The following DPP10 variants were observed in gnomAD, a reference collection of about 807,000 sequenced individuals.
DPP10 encodes dipeptidyl peptidase like 10.
A neutral mutation model predicts 120.9 loss-of-function variants in DPP10; 33 were observed. The observed-to-expected ratio is 0.27, with a 90% CI of 0.21 to 0.37. The LOEUF is 0.37. DPP10 is among the 10% of genes least tolerant of loss of function. The pLI is 1.00. For missense variants in DPP10, 816 were observed against 942.8 expected (o/e 0.87, Z 1.76); for synonymous variants, 337 against 326.1 (o/e 1.03, Z -0.36).
intron 1 of DPP10, among the ~76,000 whole-genome samples, chr2:114,557,077 CAA>C (rs950307401): frequency 1.5e-4 from 22 of 148,496 alleles, no homozygotes; most frequent in African/African-American, 5.3e-4. Flanking sequence ...TAGTTGGAGT[CAA>C]GAGTTAAAAT....
chr2:115,563,512 T>G (rs2080817448), intron 5 of DPP10, among the ~76,000 whole-genome samples: 1 of 152,180 alleles, frequency 6.6e-6, no homozygotes, highest in African/African-American at 2.4e-5. Flanking sequence ...TGAACAGTGA[T>G]GTGGAAAATA....
At chr2:115,713,402 C>T (rs1026382585) in intron 7 of DPP10, among the ~76,000 whole-genome samples, 1 of 152,044 alleles carries the variant, frequency 6.6e-6, no homozygotes, top group African/African-American at 2.4e-5. Context: ...GATTATTGAA[C>T]ATTATTATGG....
chr2:115,548,355 G>A (rs1300971270), intron 5 of DPP10, among the ~76,000 whole-genome samples: 1 of 152,052 alleles, frequency 6.6e-6, no homozygotes, highest in Non-Finnish European at 1.5e-5. Flanking sequence ...CAAGTAACTC[G>A]AGTCCAGCAG....
At position 115,005,561 on chromosome 2, in the gene DPP10, G is replaced by A. The variant is rs1348323138; in HGVS notation, c.61-303678G>A. On this transcript the variant is annotated intron_variant, in intron 1 of 25. Coordinates refer to ENST00000410059, the MANE Select transcript of DPP10 (RefSeq NM_020868.6). ...CTGAAAACCAAGGCTCGAGAACTAC[G>A]TGAAGAATGCAGAAGCCTCAGGAGC... Among the ~76,000 whole-genome samples the A allele has an allele frequency of 2.4e-4, 36 of 152,058 alleles. 1 individual carries two copies. The South Asian group carries it at 3.1e-3, about 13-fold the overall frequency.
At chr2:114,848,976 T>A (rs1047409008) in intron 1 of DPP10, among the ~76,000 whole-genome samples, 6 of 152,174 alleles carry the variant, frequency 3.9e-5, no homozygotes, top group Non-Finnish European at 8.8e-5. Context: ...TGTCCTCACA[T>A]GATGGGAAGT....
At chr2:115,661,517 A>C (rs931081891) in intron 5 of DPP10, among the ~76,000 whole-genome samples, 2 of 152,200 alleles carry the variant, frequency 1.3e-5, no homozygotes, top group Admixed American at 6.5e-5. Flanking sequence ...TTGTGAGTGA[A>C]GTTCCTAGCA....
At chr2:114,905,915 T>C (rs879236241) in intron 1 of DPP10, among the ~76,000 whole-genome samples, 1 of 152,202 alleles carries the variant, frequency 6.6e-6, no homozygotes, top group African/African-American at 2.4e-5. Flanking sequence ...TTGAGCTTTT[T>C]TATTAGTTAT....
chr2:114,835,131 A>T (rs867523790), intron 1 of DPP10: 1 of 141,542 alleles, frequency 7.1e-6, no homozygotes, highest in South Asian at 2.2e-4. Flanking sequence ...TATATATAAG[A>T]CATATCTACA....
intron 15 of DPP10, among the ~76,000 whole-genome samples, chr2:115,780,395 C>G (rs1018324585): frequency 1.3e-5 from 2 of 151,762 alleles, no homozygotes; most frequent in Non-Finnish European, 2.9e-5. Flanking sequence ...GCACTGATAC[C>G]AAATTCTAAT....
intron 3 of DPP10, among the ~76,000 whole-genome samples, chr2:115,353,198 A>G (rs2064150574): frequency 6.6e-6 from 1 of 152,106 alleles, no homozygotes; most frequent in African/African-American, 2.4e-5. Context: ...TGGAAAAGAT[A>G]AAATTCAGTC....
At chr2:114,616,384 G>A (rs986945443) in intron 1 of DPP10, among the ~76,000 whole-genome samples, 1 of 152,084 alleles carries the variant, frequency 6.6e-6, no homozygotes, top group Admixed American at 6.6e-5. Context: ...GTTTCTGCCA[G>A]CCTGATGGGA....
intron 1 of DPP10, among the ~76,000 whole-genome samples, chr2:114,510,165 G>A (rs1242151015): frequency 6.6e-6 from 1 of 152,230 alleles, no homozygotes; most frequent in Admixed American, 6.5e-5. Context: ...TTTGTAGAAT[G>A]AGTGCAGCAT....
chr2:115,336,611 AT>A (rs2063154257), intron 2 of DPP10, among the ~76,000 whole-genome samples: 1 of 150,468 alleles, frequency 6.6e-6, no homozygotes, highest in Non-Finnish European at 1.5e-5. Context: ...ATATATATAT[AT>A]ATAATTGTGC....
At chr2:115,048,574 GC>G (rs1212515619) in intron 1 of DPP10, among the ~76,000 whole-genome samples, 2 of 152,070 alleles carry the variant, frequency 1.3e-5, no homozygotes, top group African/African-American at 2.4e-5. Context: ...AAGCAGGGTA[GC>G]ATAAAAGAAC....
chr2:114,636,376 G>C (rs1430088526), intron 1 of DPP10, among the ~76,000 whole-genome samples: 2 of 151,936 alleles, frequency 1.3e-5, no homozygotes, highest in Non-Finnish European at 2.9e-5. Context: ...CTGCCTGCAG[G>C]CGAGTGGCCT....
intron 5 of DPP10, among the ~76,000 whole-genome samples, chr2:115,568,384 G>A (rs2081138538): frequency 6.6e-6 from 1 of 151,914 alleles, no homozygotes; most frequent in South Asian, 2.1e-4. Context: ...TCAGGAGGCT[G>A]AGGCAGGAGA....
At chr2:114,523,018 A>G (rs1685202591) in intron 1 of DPP10, among the ~76,000 whole-genome samples, 1 of 152,188 alleles carries the variant, frequency 6.6e-6, no homozygotes, top group Admixed American at 6.5e-5. Context: ...GCCAAACCAT[A>G]TTGGGGGTGT....
intron 1 of DPP10, among the ~76,000 whole-genome samples, chr2:114,733,045 T>C (rs1019482463): frequency 6.6e-6 from 1 of 152,080 alleles, no homozygotes; most frequent in African/African-American, 2.4e-5. Context: ...ATCCAGAAAG[T>C]AAAGAAGAGG....
intron 1 of DPP10, among the ~76,000 whole-genome samples, chr2:115,222,456 G>A (rs751980459): frequency 3.3e-5 from 5 of 152,060 alleles, no homozygotes; most frequent in Non-Finnish European, 7.4e-5. Flanking sequence ...AGTCTCATGA[G>A]ATCCATTGGT....
Sources: allele counts gnomAD v4.1 joint callset (sites outside exome capture counted in the v4.1 genomes callset), GRCh38; gene constraint gnomAD v4.1.1; transcripts MANE v1.5; gene names NCBI Gene and HGNC (gene_info 2026-07-23, HGNC 2026-07-21).